The following PTPRD variants were observed in gnomAD, a reference collection of about 807,000 sequenced individuals.
The protein encoded by PTPRD is receptor-type tyrosine-protein phosphatase delta.
PTPRD carries 34 observed loss-of-function variants against 214.5 expected under a neutral mutation model. That is an observed-to-expected ratio of 0.16 (90% confidence interval 0.12 to 0.21). The LOEUF (loss-of-function observed/expected upper bound fraction) is 0.21. PTPRD is among the 10% of genes least tolerant of loss of function. The probability of loss-of-function intolerance (pLI) is 1.00; values close to 1 mark genes in which losing one functional copy is unlikely to be tolerated. For synonymous variants in PTPRD, 1,128 were observed against 845.7 expected (o/e 1.33, Z -5.79); for missense variants, 2,545 against 2,398.7 (o/e 1.06, Z -1.27).
At position 9,995,970 on chromosome 9, in the gene PTPRD, T is replaced by A. The variant is rs144167654; in HGVS notation, c.-472+37748A>T. 3.6e-4 allele frequency among the ~76,000 whole-genome samples: 55 copies of A among 152,284 alleles called. No individual in the cohort carries two copies. In the East Asian group the frequency reaches 6.0e-3, roughly 17 times the overall value. On this transcript the variant is annotated intron_variant, in intron 4 of 45. Coordinates refer to ENST00000381196, the MANE Select transcript of PTPRD (RefSeq NM_002839.4). ...TTATTTCTACCAGATCTTAATTGTATAAATTTCTTTTTTCTTTTATTCTAC... is the reference window on the plus strand; with the variant it reads ...TTATTTCTACCAGATCTTAATTGTAAAAATTTCTTTTTTCTTTTATTCTAC...
At chr9:9,602,686 A>C (rs1326772) in intron 7 of PTPRD, among the ~76,000 whole-genome samples, 64,865 of 151,842 alleles carry the variant, frequency 0.43, 14,733 homozygotes, top group Non-Finnish European at 0.51. Context: ...TGATGGAGTC[A>C]TATTTCACAT....
At chr9:9,927,360 G>A (rs1375419886) in intron 5 of PTPRD, among the ~76,000 whole-genome samples, 1 of 152,072 alleles carries the variant, frequency 6.6e-6, no homozygotes, top group Non-Finnish European at 1.5e-5. Flanking sequence ...ATTGCTAGCT[G>A]TCCTTTCCTA....
chr9:8,518,328 T>C lies in PTPRD; in HGVS notation c.1063A>G (p.Ile355Val). 7 of 1,614,190 alleles carry C rather than the reference T, an allele frequency of 4.3e-6. No homozygotes were observed. The highest frequency in any genetic ancestry group is 5.9e-6 in the Non-Finnish European group (7 of 1,180,020). Residue 355 changes from isoleucine (I) to valine (V), a missense_variant, in exon 21 of 46, where the codon ATA becomes GTA. Transcript: ENST00000381196. Reference sequence around the variant, plus strand: ...GAGTTTTTAGGTTTATGCTGAATTATGTAATAAGAAACAGGCTCAGGGTTC... The same window carrying C: ...GAGTTTTTAGGTTTATGCTGAATTACGTAATAAGAAACAGGCTCAGGGTTC... ...SGNPEPVSYY[I>V]IQHKPKNSEE...
rs1436701700 is a variant in PTPRD at position 9,275,147 on chromosome 9, A to AT, written c.-202-91785_-202-91784insA. 2.1e-3 allele frequency among the ~76,000 whole-genome samples: 109 copies of AT among 53,074 alleles called. 1 individual carries two copies. The highest frequency in any genetic ancestry group is 9.6e-3 in the Middle Eastern group (1 of 104). The allele number at this position is 53,074 out of a possible 152,430, so 34.8% of individuals were successfully genotyped here. ...TATATATTATATATAATATATATAT[A>AT]ATATATTATATATATAACATATATA... On this transcript the variant is annotated intron_variant, in intron 9 of 45. Coordinates refer to ENST00000381196, the MANE Select transcript of PTPRD (RefSeq NM_002839.4).
intron 2 of PTPRD, among the ~76,000 whole-genome samples, chr9:10,574,771 G>C (rs2068624489): frequency 6.9e-6 from 1 of 145,122 alleles, no homozygotes; most frequent in Non-Finnish European, 1.5e-5. Flanking sequence ...ATATATGTGT[G>C]TGTGTATATA....
At chr9:9,841,371 T>G (rs2058293780) in intron 5 of PTPRD, among the ~76,000 whole-genome samples, 1 of 152,140 alleles carries the variant, frequency 6.6e-6, no homozygotes, top group South Asian at 2.1e-4. Flanking sequence ...AAGTTACTTT[T>G]TTTTCTAAGT....
chr9:9,644,910 A>G (rs986018144), intron 7 of PTPRD, among the ~76,000 whole-genome samples: 6 of 152,170 alleles, frequency 3.9e-5, no homozygotes, highest in African/African-American at 1.4e-4. Context: ...CCATCATTCA[A>G]TAAAATCTCT....
chr9:8,890,279 T>C (rs117382680), intron 11 of PTPRD, among the ~76,000 whole-genome samples: 65 of 152,332 alleles, frequency 4.3e-4, no homozygotes, highest in Non-Finnish European at 6.5e-4. Flanking sequence ...AAGGGTAACA[T>C]TACCTAGATA....
chr9:9,850,029 T>C (rs1434118339), intron 5 of PTPRD, among the ~76,000 whole-genome samples: 4 of 152,092 alleles, frequency 2.6e-5, no homozygotes, highest in Admixed American at 2.0e-4. Context: ...CATGCTTGCG[T>C]AGTGAACTCA....
At chr9:10,189,710 A>T (rs2099354003) in intron 3 of PTPRD, among the ~76,000 whole-genome samples, 1 of 152,196 alleles carries the variant, frequency 6.6e-6, no homozygotes, top group Non-Finnish European at 1.5e-5. Context: ...AATATTTTAA[A>T]AGGGCAATTA....
intron 9 of PTPRD, among the ~76,000 whole-genome samples, chr9:9,320,159 G>GT: frequency 6.6e-6 from 1 of 152,132 alleles, no homozygotes; most frequent in South Asian, 2.1e-4. Context: ...TGTCAAAAAT[G>GT]TTTTATTTAT....
chr9:10,127,962 T>G (rs1393167429), intron 3 of PTPRD, among the ~76,000 whole-genome samples: 1 of 152,142 alleles, frequency 6.6e-6, no homozygotes, highest in Non-Finnish European at 1.5e-5. Context: ...AAAACTCTGC[T>G]TTTTATCCAT....
intron 10 of PTPRD, among the ~76,000 whole-genome samples, chr9:9,180,413 C>T (rs1021687205): frequency 2.3e-5 from 3 of 128,514 alleles, no homozygotes; most frequent in African/African-American, 9.1e-5. Context: ...CACATGGACA[C>T]AGGAAGGGGA....
chr9:10,202,492 A>C (rs1401005334), intron 3 of PTPRD, among the ~76,000 whole-genome samples: 1 of 150,524 alleles, frequency 6.6e-6, no homozygotes, highest in Non-Finnish European at 1.5e-5. Context: ...AAAAAAAAAA[A>C]CTTTGCATCT....
intron 2 of PTPRD, among the ~76,000 whole-genome samples, chr9:10,471,998 CAT>C (rs1350010466): frequency 7.2e-5 from 11 of 152,018 alleles, no homozygotes; most frequent in African/African-American, 2.4e-4. Flanking sequence ...TAAAATGACA[CAT>C]GTGAGTTTAA....
chr9:10,052,113 T>G lies in PTPRD; in HGVS notation c.-544-18323A>C, dbSNP rs866779474. On this transcript the variant is annotated intron_variant, in intron 3 of 45. Transcript: ENST00000381196. ...GCAGGTGCCACCATGCTCAGCTATT[T>G]TTCTATTTTTTGTAGTGACAGATTT... is the stretch of plus-strand genomic sequence containing the variant. 7.2e-5 allele frequency among the ~76,000 whole-genome samples: 11 copies of G among 152,110 alleles called. 1 individual carries two copies.
At chr9:9,728,284 T>C (rs2098127409) in intron 7 of PTPRD, among the ~76,000 whole-genome samples, 1 of 152,198 alleles carries the variant, frequency 6.6e-6, no homozygotes, top group South Asian at 2.1e-4. Context: ...GTCCCATGAA[T>C]ATTTTAGAGG....
chr9:8,792,281 A>C (rs2096262386), intron 11 of PTPRD, among the ~76,000 whole-genome samples: 1 of 152,172 alleles, frequency 6.6e-6, no homozygotes, highest in Admixed American at 6.5e-5. Context: ...ATGTCTCCAC[A>C]AATTGGATGC....
intron 4 of PTPRD, among the ~76,000 whole-genome samples, chr9:9,959,432 A>T (rs1019114723): frequency 6.6e-6 from 1 of 152,178 alleles, no homozygotes; most frequent in African/African-American, 2.4e-5. Flanking sequence ...TGGACACATG[A>T]CAGTACATAT....
Sources: gnomAD v4.1 joint callset for allele counts (sites outside exome capture counted in the v4.1 genomes callset) on GRCh38, gnomAD v4.1.1 for gene constraint, MANE v1.5 for transcripts, NCBI Gene and HGNC (gene_info 2026-07-23, HGNC 2026-07-21) for gene names.